Variants in TBC1D8 observed in about 807,000 individuals in gnomAD.
TBC1D8 encodes TBC1 domain family member 8.
A neutral mutation model predicts 118.8 loss-of-function variants in TBC1D8; 65 were observed. The observed-to-expected ratio is 0.55, with a 90% CI of 0.45 to 0.67. The LOEUF (loss-of-function observed/expected upper bound fraction) is 0.67. Among genes scored for constraint, TBC1D8 ranks in the 30% least tolerant of loss-of-function variants. The pLI is 0.00. For missense variants in TBC1D8, 1,376 were observed against 1,471.2 expected (o/e 0.94, Z 1.06); for synonymous variants, 566 against 595.8 (o/e 0.95, Z 0.73).
intron 19 of TBC1D8, among the ~76,000 whole-genome samples, chr2:101,008,810 TTA>T (rs1491532134): frequency 2.1e-5 from 3 of 141,508 alleles, no homozygotes; most frequent in African/African-American, 7.9e-5. Flanking sequence ...AAACTTTGTC[TTA>T]AAAAAAAAAA....
At chr2:101,040,011 A>G (rs893764714) in intron 6 of TBC1D8, among the ~76,000 whole-genome samples, 167 bp downstream of exon 6, 10 of 152,140 alleles carry the variant, frequency 6.6e-5, no homozygotes, top group South Asian at 2.1e-4. Context: ...TAATGGTCCA[A>G]TTCAGGCCAT....
At chr2:101,016,912 TGG>T (rs1679688222) in intron 17 of TBC1D8, among the ~76,000 whole-genome samples, 2 of 142,402 alleles carry the variant, frequency 1.4e-5, no homozygotes, top group African/African-American at 5.3e-5. Context: ...CATCACACTC[TGG>T]GGACTGGTGT....
rs188326313 is a variant in TBC1D8 at position 101,037,287 on chromosome 2, G to A, written c.1452+245C>T. Among the ~76,000 whole-genome samples the A allele has an allele frequency of 4.3e-3, 654 of 152,330 alleles. 3 individuals are homozygous for A. Among genetic ancestry groups the A allele is most frequent in the Non-Finnish European group, 5.2e-3 (351 of 68,026 alleles). ...CCTGGAGACCCCCAAGGGGCAGCGC[G>A]GCCAGCTCCGCAGGCCCCACAGCTG... is the stretch of plus-strand genomic sequence containing the variant. On this transcript the variant is annotated intron_variant, in intron 8 of 19. Transcript: ENST00000409318.
At chr2:101,068,510 G>A (rs772278769) in intron 2 of TBC1D8, 5 of 424,626 alleles carry the variant, frequency 1.2e-5, no homozygotes, top group South Asian at 2.5e-5. Flanking sequence ...GTCTCTGGAA[G>A]ATGGAACCAC....
intron 4 of TBC1D8, 45 bp from the exon 5 acceptor site, chr2:101,050,686 A>G: frequency 4.4e-6 from 7 of 1,592,386 alleles, no homozygotes; most frequent in Non-Finnish European, 5.1e-6. Flanking sequence ...ATGAAATTTG[A>G]GCCAAACTTG....
intron 5 of TBC1D8, among the ~76,000 whole-genome samples, chr2:101,041,926 G>T (rs1386964774): frequency 1.3e-5 from 2 of 151,812 alleles, no homozygotes; most frequent in African/African-American, 2.4e-5. Flanking sequence ...TCCACCGGCT[G>T]AGATAAAAGG....
At chr2:101,111,222 T>C (rs1677565039) in intron 1 of TBC1D8, among the ~76,000 whole-genome samples, 2 of 152,210 alleles carry the variant, frequency 1.3e-5, no homozygotes, top group African/African-American at 4.8e-5. Context: ...AATATCACTC[T>C]TAATGAGAGC....
intron 3 of TBC1D8, among the ~76,000 whole-genome samples, 199 bp from the exon 4 acceptor site, chr2:101,054,535 A>G (rs1413649162): frequency 6.6e-6 from 1 of 152,012 alleles, no homozygotes; most frequent in Non-Finnish European, 1.5e-5. Context: ...TGCAGCAGAA[A>G]AAAAAGGAAT....
chr2:101,099,130 AAGAG>A (rs1419569235), intron 1 of TBC1D8, among the ~76,000 whole-genome samples: 1 of 152,034 alleles, frequency 6.6e-6, no homozygotes, highest in African/African-American at 2.4e-5. Flanking sequence ...ACTAATAAAG[AAGAG>A]AGAGAAGAAT....
chr2:101,093,265 T>C (rs1025255093), intron 1 of TBC1D8, among the ~76,000 whole-genome samples: 8 of 152,272 alleles, frequency 5.3e-5, no homozygotes, highest in Non-Finnish European at 1.2e-4. Flanking sequence ...TCAAAAGTTA[T>C]ATGTGAGGAC....
At chr2:101,078,374 C>A (rs1431036485) in intron 2 of TBC1D8, among the ~76,000 whole-genome samples, 4 of 152,118 alleles carry the variant, frequency 2.6e-5, no homozygotes, top group African/African-American at 9.7e-5. Context: ...TGGATTAAAA[C>A]CCAGATCTAT....
At chr2:101,075,838 CA>C (rs1023939719) in intron 2 of TBC1D8, among the ~76,000 whole-genome samples, 1 of 152,020 alleles carries the variant, frequency 6.6e-6, no homozygotes, top group East Asian at 1.9e-4. Context: ...ATCTACATAC[CA>C]AAAAAATCCT....
At chr2:101,055,379 CA>C (rs554844344) in intron 3 of TBC1D8, among the ~76,000 whole-genome samples, 128 of 133,926 alleles carry the variant, frequency 9.6e-4, no homozygotes, top group Middle Eastern at 4.0e-3. Context: ...ACAGAGTCCT[CA>C]AAAAAAAAAA....
In TBC1D8 at chr2:101,015,918, T is replaced by C. The variant is rs530983217; in HGVS notation, c.2828-4378A>G. ...CCTTCCTTACACCTTATACAAAAAT[T>C]AATTCAAGATGGATTAAAGACTTAA... On this transcript the variant is annotated intron_variant, in intron 17 of 19. Transcript: ENST00000409318. Among the ~76,000 whole-genome samples, 67 of 151,844 alleles carry C rather than the reference T, an allele frequency of 4.4e-4. 2 individuals are homozygous for C. In the South Asian group the frequency reaches 0.013, roughly 29 times the overall value.
chr2:101,056,208 T>TTA (rs1491176343), intron 3 of TBC1D8, among the ~76,000 whole-genome samples: 3 of 113,814 alleles, frequency 2.6e-5, no homozygotes, highest in South Asian at 2.3e-4. Flanking sequence ...ATTATTATTA[T>TTA]TTTTTTTTTT....
chr2:101,125,284 A>T (rs1678303053), intron 1 of TBC1D8, among the ~76,000 whole-genome samples: 1 of 152,216 alleles, frequency 6.6e-6, no homozygotes, highest in Non-Finnish European at 1.5e-5. Context: ...TTCTAAGAGT[A>T]CACAAGAAAA....
At chr2:101,036,221 C>A (rs561934495) in intron 8 of TBC1D8, 53 bp from the exon 9 acceptor site, 9 of 1,588,768 alleles carry the variant, frequency 5.7e-6, no homozygotes, top group Admixed American at 1.7e-5. Context: ...CACCACCCCC[C>A]ACCCACCGAT....
chr2:101,129,432 C>T (rs1358586577), intron 1 of TBC1D8, among the ~76,000 whole-genome samples: 1 of 152,168 alleles, frequency 6.6e-6, no homozygotes, highest in African/African-American at 2.4e-5. Flanking sequence ...TGAGCCATGG[C>T]ATCTGGCCCT....
At chr2:101,123,534 G>A (rs182564337) in intron 1 of TBC1D8, among the ~76,000 whole-genome samples, 45 of 152,218 alleles carry the variant, frequency 3.0e-4, no homozygotes, top group African/African-American at 1.1e-3. Flanking sequence ...GCTAAGTCAT[G>A]TACCTGATCT....
Sources: allele counts gnomAD v4.1 joint callset (sites outside exome capture counted in the v4.1 genomes callset), GRCh38; gene constraint gnomAD v4.1.1; transcripts MANE v1.5; gene names NCBI Gene and HGNC (gene_info 2026-07-23, HGNC 2026-07-21).